MYO15A: variants seen among roughly 807,000 people sequenced by gnomAD.
MYO15A encodes the protein myosin XVA.
Under a neutral mutation model 394.6 loss-of-function variants are expected in MYO15A, and 308 were observed. The ratio of observed to expected loss-of-function variants is 0.78; its 90% CI spans 0.71 to 0.86. MYO15A has a LOEUF of 0.86. Ranked by LOEUF, MYO15A falls within the 40% of genes least tolerant of loss-of-function variation. The pLI is 0.00. For synonymous variants in MYO15A, 1,957 were observed against 2,003.8 expected, an observed-to-expected ratio of 0.98 and a Z score of 0.62; for missense variants, 4,606 against 4,799.1, an observed-to-expected ratio of 0.96 and a Z score of 1.19.
rs1253371590 is a variant in MYO15A, at chr17:18,145,891, A to G, written c.6293A>G (p.Asp2098Gly). Residue 2098 changes from aspartate to glycine, a missense_variant, in exon 30 of 66, where the codon GAC becomes GGC. Physicochemically the swap from Asp to Gly is moderately conservative, Grantham distance 94. Around this residue, in one of 2 missense-constraint regions of MYO15A, gnomAD observed 2,776 missense variants for 3,109.3 expected, o/e 0.89. Coordinates refer to ENST00000647165, the MANE Select transcript of MYO15A (RefSeq NM_016239.4). ...IFKLILRFMG[D>G]PHLHGARENI... ...GCCCAGATCCTGCGCTTCATGGGCG[A>G]CCCCCACCTGCATGGTGCCCGGGAG... is the stretch of plus-strand genomic sequence containing the variant. The G allele has an allele frequency of 6.2e-7, 1 of 1,612,918 alleles. No homozygotes were observed. Among genetic ancestry groups the G allele is most frequent in the Non-Finnish European group, 8.5e-7 (1 of 1,179,958 alleles).
rs370402879 is a variant in MYO15A, at chr17:18,149,406, G to A, written c.7117+30G>A. 96 of 1,610,554 alleles carry A rather than the reference G, an allele frequency of 6.0e-5. No homozygotes were observed. The African/African-American group carries it at 1.1e-3, about 19-fold the overall frequency. On this transcript the variant is annotated intron_variant, in intron 34 of 65. Transcript: ENST00000647165. Reference sequence around the variant, plus strand: ...ACCAACAATGGCTGCTGTCTCTGGTGGGGAGGGAGCCTTAGAGGCTGTGTG... The same window carrying A: ...ACCAACAATGGCTGCTGTCTCTGGTAGGGAGGGAGCCTTAGAGGCTGTGTG...
Position 18,148,818 on chromosome 17 carries a change from G to T in MYO15A, c.6822G>T (p.Trp2274Cys). 6.2e-7 allele frequency: 1 copy of T among 1,605,990 alleles called. No individual in the cohort carries two copies. The highest frequency in any genetic ancestry group is 8.5e-7 in the Non-Finnish European group (1 of 1,176,168). Residue 2274 changes from tryptophan (W) to cysteine (C), a missense_variant, in exon 33 of 66, where the codon TGG becomes TGT. Physicochemically the swap from Trp to Cys is radical, Grantham distance 215. This residue lies in a region of MYO15A where 2,776 missense variants were observed against 3,109.3 expected (regional missense o/e 0.89). Transcript: ENST00000647165. This position sits in a 1 kb window ranked among gnomAD's most constrained non-coding sequence, Gnocchi z 4.8. ...WTVAMKNGVQWAELAGHDYVL... is the reference protein window; with the variant it reads ...WTVAMKNGVQCAELAGHDYVL... ...TGGCCATGAAGAATGGTGTCCAGTG[G>T]GCAGAGCTGGCTGGCCACGACTACG...
At chr17:18,154,103 A>C (rs781640051) in intron 43 of MYO15A, 28 bp from the exon 44 acceptor site, 16 of 1,613,520 alleles carry the variant, frequency 9.9e-6, no homozygotes, top group Non-Finnish European at 1.3e-5. Flanking sequence ...GCAGTCGGAC[A>C]GTACCCACTG....
intron 16 of MYO15A, 87 bp from the exon 17 acceptor site, chr17:18,138,027 AG>A (rs1232869112): frequency 1.4e-6 from 2 of 1,434,644 alleles, no homozygotes; most frequent in Non-Finnish European, 1.8e-6. Flanking sequence ...GCTGCTGGCC[AG>A]GCTCCTTCAG....
In MYO15A at chr17:18,157,829, G is replaced by C. The variant is rs753596096; in HGVS notation, c.8896G>C (p.Gly2966Arg). 5 of 1,596,670 alleles carry C rather than the reference G, an allele frequency of 3.1e-6. No homozygotes were observed. In the East Asian group the frequency reaches 6.7e-5, roughly 21 times the overall value. The change falls in exon 51 of 66, where the codon GGC becomes CGC. Residue 2966 changes from glycine to arginine, a missense_variant. By Grantham distance (125) the Gly-to-Arg change is moderately radical. Around this residue, in one of 2 missense-constraint regions of MYO15A, gnomAD observed 2,776 missense variants for 3,109.3 expected, o/e 0.89. Coordinates refer to ENST00000647165, the MANE Select transcript of MYO15A (RefSeq NM_016239.4). ...GCAGCTGCCAACGGAGCCAGGCCGCGGCCGAGCAGCCGCCGTGGCCGCTGC... is the reference window on the plus strand; with the variant it reads ...GCAGCTGCCAACGGAGCCAGGCCGCCGCCGAGCAGCCGCCGTGGCCGCTGC... ...FLQLPTEPGR[G>R]RAAAVAAAVA...
At position 18,150,409 on chromosome 17, in the gene MYO15A, G is replaced by A; in HGVS notation, c.7213-20G>A. On this transcript the variant is annotated intron_variant, in intron 35 of 65. Coordinates refer to ENST00000647165, the MANE Select transcript of MYO15A (RefSeq NM_016239.4). The surrounding 1 kb of genome is among the most constrained non-coding windows in gnomAD (Gnocchi z 4.4). ...GAGTACAATAATGAGATGGTCACTTGAGCCACCCACTGCCCCCAGGACCTG... is the reference window on the plus strand; with the variant it reads ...GAGTACAATAATGAGATGGTCACTTAAGCCACCCACTGCCCCCAGGACCTG... 6.2e-7 allele frequency: 1 copy of A among 1,608,898 alleles called. No individual in the cohort carries two copies. Among genetic ancestry groups the A allele is most frequent in the East Asian group, 2.2e-5 (1 of 44,846 alleles).
chr17:18,159,643 C>T lies in MYO15A; in HGVS notation c.9267C>T (p.Gly3089=), dbSNP rs547588572. The T allele has an allele frequency of 6.2e-7, 1 of 1,614,128 alleles. No homozygotes were observed. Among genetic ancestry groups the T allele is most frequent in the South Asian group, 1.1e-5 (1 of 91,076 alleles). The change falls in exon 55 of 66, where the codon GGC becomes GGT. Residue 3089 remains glycine (G), a synonymous_variant. Transcript: ENST00000647165. ...TCATGGGGGATGCCCCACTGAAGGGCCAGAGTGACCTGGACGTGCTTTGTA... is the reference window on the plus strand; with the variant it reads ...TCATGGGGGATGCCCCACTGAAGGGTCAGAGTGACCTGGACGTGCTTTGTA... ...MRFMGDAPLK[G]QSDLDVLCNL... is the part of the protein sequence containing the mutation.
intron 25 of MYO15A, among the ~76,000 whole-genome samples, 173 bp downstream of exon 25, chr17:18,143,013 C>T (rs566687325): frequency 6.6e-6 from 1 of 152,176 alleles, no homozygotes; most frequent in Non-Finnish European, 1.5e-5. Context: ...CCATCTACCC[C>T]TTGGGATTGT....
Position 18,148,599 on chromosome 17 carries a change from T to C in MYO15A, c.6764+31T>C, listed in dbSNP as rs965214387. On this transcript the variant is annotated intron_variant, in intron 32 of 65. Transcript: ENST00000647165. The surrounding 1 kb of genome is among the most constrained non-coding windows in gnomAD (Gnocchi z 4.8). ...CTCCTAGGATGCCCTCCCAGCACAC[T>C]CTTATGTACCTGGAATGTTGTGGGG... 7 of 1,550,672 alleles carry C rather than the reference T, an allele frequency of 4.5e-6. No individual in the cohort carries two copies. Among genetic ancestry groups the C allele is most frequent in the Non-Finnish European group, 6.1e-6 (7 of 1,146,576 alleles).
Position 18,120,688 on chromosome 17 carries a change from A to C in MYO15A, c.1888A>C (p.Arg630=), listed in dbSNP as rs764751762. The change falls in exon 2 of 66, where the codon AGG becomes CGG. Residue 630 remains arginine, a synonymous_variant. Coordinates refer to ENST00000647165, the MANE Select transcript of MYO15A (RefSeq NM_016239.4). The part of the protein sequence containing the change: ...EKPGTPIVLR[R]AQPRARSSND... ...GCCCGGCACGCCCATCGTGCTGAGG[A>C]GGGCCCAGCCACGCGCTCGCAGCAG... The C allele has an allele frequency of 6.4e-7, 1 of 1,565,796 alleles. No homozygotes were observed. The highest frequency in any genetic ancestry group is 1.2e-5 in the South Asian group (1 of 86,696).
Position 18,121,069 on chromosome 17 carries a change from T to A in MYO15A, c.2269T>A (p.Phe757Ile), listed in dbSNP as rs1233928409. Residue 757 changes from phenylalanine (F) to isoleucine (I), a missense_variant, in exon 2 of 66, where the codon TTC (phenylalanine) becomes ATC (isoleucine). Around this residue, in one of 2 missense-constraint regions of MYO15A, gnomAD observed 1,830 missense variants for 1,689.7 expected, o/e 1.08. Transcript: ENST00000647165. The surrounding 1 kb of genome is among the most constrained non-coding windows in gnomAD (Gnocchi z 5.3). ...GSRRRGAAFG[F>I]PGASPRASRR... ...CCGCCGGAGAGGGGCGGCTTTCGGCTTCCCCGGGGCCTCTCCACGGGCGTC... is the reference window on the plus strand; with the variant it reads ...CCGCCGGAGAGGGGCGGCTTTCGGCATCCCCGGGGCCTCTCCACGGGCGTC... 2 of 1,506,466 alleles carry A rather than the reference T, an allele frequency of 1.3e-6. No homozygotes were observed. Among genetic ancestry groups the A allele is most frequent in the South Asian group, 2.5e-5 (2 of 81,288 alleles). 93.3% of individuals were successfully genotyped at this position (1,506,466 alleles called of 1,614,324 possible). A position where few individuals can be genotyped will look rare whatever the true frequency, so the allele number is the denominator to read the frequency against.
At chr17:18,157,460 C>G in intron 50 of MYO15A, 1 of 885,932 alleles carries the variant, frequency 1.1e-6, no homozygotes, top group Non-Finnish European at 1.7e-6. Context: ...CTGAATCTCT[C>G]TTTATGTCTC....
At chr17:18,154,507 A>G (rs116208090) in intron 44 of MYO15A, among the ~76,000 whole-genome samples, 173 bp from the exon 45 acceptor site, 205 of 152,322 alleles carry the variant, frequency 1.3e-3, no homozygotes, top group Middle Eastern at 6.8e-3. Flanking sequence ...CTGAGGAGAA[A>G]GGAGAGGGCC....
At chr17:18,110,936 A>G (rs567335799) in intron 1 of MYO15A, among the ~76,000 whole-genome samples, 4 of 152,322 alleles carry the variant, frequency 2.6e-5, no homozygotes, top group Admixed American at 6.5e-5. Context: ...ATCTTGGCTC[A>G]GGGTTGCGTT....
rs545860031 is a variant in MYO15A, at chr17:18,152,127, G to A, written c.7909G>A (p.Val2637Met). The A allele has an allele frequency of 2.6e-5, 41 of 1,551,478 alleles. No individual in the cohort carries two copies. The highest frequency in any genetic ancestry group is 3.3e-5 in the Non-Finnish European group (38 of 1,147,214). The stretch of plus-strand genomic sequence containing the variant: ...GGTGGGACAGGTGTCCAGAGAGGCC[G>A]TGGCCCTGGTGAAGCCGGTGACCAG... ...APGTQVSREA[V>M]ALVKPVTSAP... Residue 2637 changes from valine to methionine, a missense_variant, in exon 42 of 66, where the codon GTG (valine) becomes ATG (methionine). By Grantham distance (21) the Val-to-Met change is conservative. Transcript: ENST00000647165.
At chr17:18,160,051 C>G (rs755520834) in intron 56 of MYO15A, 34 bp downstream of exon 56, 18 of 1,594,686 alleles carry the variant, frequency 1.1e-5, no homozygotes, top group Non-Finnish European at 1.5e-5. Context: ...ACCATCCCCT[C>G]ACTGTGTCCA....
intron 59 of MYO15A, 30 bp from the exon 60 acceptor site, chr17:18,163,712 A>G (rs751245210): frequency 1.3e-6 from 2 of 1,586,878 alleles, no homozygotes; most frequent in Middle Eastern, 1.7e-4. Flanking sequence ...CCCAACTGGC[A>G]TGGCCTCATC....
Position 18,149,338 on chromosome 17 carries a change from G to T in MYO15A, c.7079G>T (p.Gly2360Val). The T allele has an allele frequency of 6.2e-7, 1 of 1,610,444 alleles. No individual in the cohort carries two copies. Among genetic ancestry groups the T allele is most frequent in the East Asian group, 2.2e-5 (1 of 44,720 alleles). ...YSSHNQDGTN[G>V]ETEAQRGTAT... ...AGCCACAATCAGGACGGTACAAATGGGGAGACTGAGGCCCAAAGAGGGACA... is the reference window on the plus strand; with the variant it reads ...AGCCACAATCAGGACGGTACAAATGTGGAGACTGAGGCCCAAAGAGGGACA... The change falls in exon 34 of 66, where the codon GGG (glycine) becomes GTG (valine). Residue 2360 changes from glycine (G) to valine (V), a missense_variant. Around this residue, in one of 2 missense-constraint regions of MYO15A, gnomAD observed 2,776 missense variants for 3,109.3 expected, o/e 0.89. Transcript: ENST00000647165.
Position 18,121,223 on chromosome 17 carries a change from C to T in MYO15A, c.2423C>T (p.Pro808Leu), listed in dbSNP as rs766426746. 35 of 1,491,330 alleles carry T rather than the reference C, an allele frequency of 2.3e-5. No individual in the cohort carries two copies. Among genetic ancestry groups the T allele is most frequent in the Non-Finnish European group, 2.8e-5 (32 of 1,126,490 alleles). 92.4% of individuals were successfully genotyped at this position (1,491,330 alleles called of 1,614,324 possible). A position where few individuals can be genotyped will look rare whatever the true frequency, so the allele number is the denominator to read the frequency against. Residue 808 changes from proline to leucine, a missense_variant, in exon 2 of 66, where the codon CCG (proline) becomes CTG (leucine). Pro to Leu is a moderately conservative substitution (Grantham distance 98, BLOSUM62 -3). Transcript: ENST00000647165. The surrounding 1 kb of genome is among the most constrained non-coding windows in gnomAD (Gnocchi z 5.3). Reference sequence around the variant, plus strand: ...TCCTTGCGCACGGGCCCCTTCCAGCCGCCCTTCCTGCCCCCGGCCCGCCGG... The same window carrying T: ...TCCTTGCGCACGGGCCCCTTCCAGCTGCCCTTCCTGCCCCCGGCCCGCCGG... ...QLSLRTGPFQ[P>L]PFLPPARRPR...
Sources: gnomAD v4.1 joint callset for allele counts (sites outside exome capture counted in the v4.1 genomes callset) on GRCh38, gnomAD v4.1.1 for gene constraint, gnomAD v4.1.1 regional missense constraint, Gnocchi (gnomAD v3.1) non-coding constraint, MANE v1.5 for transcripts, NCBI Gene and HGNC (gene_info 2026-07-23, HGNC 2026-07-21) for gene names.